Variants in CNTN4 observed in about 807,000 individuals in gnomAD.
CNTN4 encodes contactin-4.
A neutral mutation model predicts 122.5 loss-of-function variants in CNTN4; 77 were observed. The ratio of observed to expected loss-of-function variants is 0.63; its 90% CI spans 0.52 to 0.76. The LOEUF (loss-of-function observed/expected upper bound fraction) is 0.76. Among genes scored for constraint, CNTN4 ranks in the 30% least tolerant of loss-of-function variants. The pLI is 0.00. For missense variants in CNTN4, 1,256 were observed against 1,259.1 expected, an observed-to-expected ratio of 1.00 and a Z score of 0.04; for synonymous variants, 512 against 447.0, an observed-to-expected ratio of 1.15 and a Z score of -1.83.
chr3:2,843,316 A>G (rs1318594521), intron 7 of CNTN4, among the ~76,000 whole-genome samples: 2 of 152,170 alleles, frequency 1.3e-5, no homozygotes, highest in East Asian at 3.9e-4. Flanking sequence ...CCTTCAAAAC[A>G]TACCCTGTAT....
rs187693450 is a variant in CNTN4, at chr3:2,510,216, T to C, written c.-88-61200T>C. 1.6e-3 allele frequency among the ~76,000 whole-genome samples: 250 copies of C among 152,220 alleles called. 6 individuals are homozygous for C. The highest frequency in any genetic ancestry group is 0.015 in the Admixed American group (227 of 15,294). ...CCGTCACCCCAGTGCTATTACGAGG[T>C]GTAAGCACCTTTCTAGTGAAGGTCT... On this transcript the variant is annotated intron_variant, in intron 3 of 24. Transcript: ENST00000418658.
chr3:2,595,988 T>G (rs1351769036), intron 4 of CNTN4, among the ~76,000 whole-genome samples: 1 of 152,186 alleles, frequency 6.6e-6, no homozygotes, highest in Admixed American at 6.5e-5. Flanking sequence ...GCTATCATGG[T>G]TTTTCTCTTC....
At chr3:2,466,627 C>T in intron 3 of CNTN4, among the ~76,000 whole-genome samples, 1 of 152,130 alleles carries the variant, frequency 6.6e-6, no homozygotes, top group East Asian at 1.9e-4. Flanking sequence ...ATGTTTTGGG[C>T]ATTGGCTGTC....
At chr3:2,501,624 A>C (rs546962964) in intron 3 of CNTN4, among the ~76,000 whole-genome samples, 7 of 152,308 alleles carry the variant, frequency 4.6e-5, no homozygotes, top group African/African-American at 1.7e-4. Flanking sequence ...TTCCGTTGTC[A>C]TATTACCTTC....
chr3:2,708,727 T>TCTCTCACA (rs1214979217), intron 4 of CNTN4, among the ~76,000 whole-genome samples: 48 of 151,008 alleles, frequency 3.2e-4, no homozygotes, highest in African/African-American at 1.1e-3. Flanking sequence ...CACGCGCGCA[T>TCTCTCACA]CACACACACA....
At chr3:2,366,736 A>AT (rs1469945117) in intron 3 of CNTN4, among the ~76,000 whole-genome samples, 20 of 150,912 alleles carry the variant, frequency 1.3e-4, no homozygotes, top group Admixed American at 7.9e-4. Context: ...CAAAAAAAAA[A>AT]AAATAATAAT....
At chr3:2,926,628 A>G (rs949300649) in intron 13 of CNTN4, among the ~76,000 whole-genome samples, 4 of 152,194 alleles carry the variant, frequency 2.6e-5, no homozygotes, top group African/African-American at 9.6e-5. Flanking sequence ...TCAGGTACTC[A>G]AGGATGCAAG....
At chr3:2,601,666 T>C (rs2081053167) in intron 4 of CNTN4, among the ~76,000 whole-genome samples, 1 of 152,206 alleles carries the variant, frequency 6.6e-6, no homozygotes, top group South Asian at 2.1e-4. Flanking sequence ...TTCTTTTGGC[T>C]TAGGATTGCC....
chr3:2,648,098 T>C (rs746048212), intron 4 of CNTN4, among the ~76,000 whole-genome samples: 205 of 152,328 alleles, frequency 1.3e-3, no homozygotes, highest in Non-Finnish European at 2.3e-3. Flanking sequence ...GATTTTTTTT[T>C]CCTGTCAAAA....
intron 24 of CNTN4, among the ~76,000 whole-genome samples, chr3:3,055,523 C>T (rs1464138794): frequency 1.3e-5 from 2 of 152,290 alleles, no homozygotes; most frequent in East Asian, 1.9e-4. Flanking sequence ...TAGCTTCTTA[C>T]TATGAAAAGT....
intron 7 of CNTN4, among the ~76,000 whole-genome samples, chr3:2,838,200 T>C (rs2093269751): frequency 6.6e-6 from 1 of 152,182 alleles, no homozygotes; most frequent in Non-Finnish European, 1.5e-5. Flanking sequence ...TTAAAGTACA[T>C]AAGCTTTCGT....
intron 3 of CNTN4, among the ~76,000 whole-genome samples, chr3:2,496,437 TA>T (rs776012675): frequency 1.3e-5 from 2 of 152,146 alleles, no homozygotes; most frequent in Middle Eastern, 3.2e-3. Flanking sequence ...CTGATACAAA[TA>T]AAAATATAAC....
intron 13 of CNTN4, among the ~76,000 whole-genome samples, chr3:2,932,295 G>C (rs189549329): frequency 6.6e-6 from 1 of 152,086 alleles, no homozygotes; most frequent in Admixed American, 6.5e-5. Flanking sequence ...GGAGAATGGC[G>C]TGAACCCAGA....
intron 4 of CNTN4, among the ~76,000 whole-genome samples, chr3:2,729,514 A>G (rs1330233411): frequency 7.3e-6 from 1 of 137,552 alleles, no homozygotes; most frequent in Admixed American, 8.3e-5. Context: ...ACTGCTCTCC[A>G]GCCTGGGCAA....
intron 3 of CNTN4, among the ~76,000 whole-genome samples, chr3:2,568,134 G>T (rs989213710): frequency 6.6e-6 from 1 of 152,006 alleles, no homozygotes; most frequent in Non-Finnish European, 1.5e-5. Flanking sequence ...TAATTCAGCA[G>T]AGTGTTCAAA....
chr3:2,281,600 A>T (rs923514546), intron 2 of CNTN4, among the ~76,000 whole-genome samples: 1 of 152,088 alleles, frequency 6.6e-6, no homozygotes, highest in Non-Finnish European at 1.5e-5. Context: ...ATGTCATTAT[A>T]TACCAACTGA....
chr3:3,034,517 G>C, intron 16 of CNTN4, 115 bp from the exon 17 acceptor site: 1 of 1,124,202 alleles, frequency 8.9e-7, no homozygotes, highest in East Asian at 2.4e-5. Context: ...GACAAGTGAT[G>C]AATCTGTGAA....
intron 7 of CNTN4, among the ~76,000 whole-genome samples, chr3:2,848,238 CA>C (rs924052391): frequency 0.014 from 2,052 of 148,406 alleles, 56 homozygotes; most frequent in African/African-American, 0.047. Flanking sequence ...GACCCTGTCT[CA>C]AAAAAAAAAT....
chr3:2,412,130 T>C (rs1417705599), intron 3 of CNTN4, among the ~76,000 whole-genome samples: 1 of 152,222 alleles, frequency 6.6e-6, no homozygotes, highest in African/African-American at 2.4e-5. Context: ...TTGAGATTCT[T>C]TTGTATTCCA....
Sources: allele counts gnomAD v4.1 joint callset (sites outside exome capture counted in the v4.1 genomes callset), GRCh38; gene constraint gnomAD v4.1.1; transcripts MANE v1.5; gene names NCBI Gene and HGNC (gene_info 2026-07-23, HGNC 2026-07-21).